Variants in SPAG9 observed in about 807,000 individuals in gnomAD.
The protein encoded by SPAG9 is C-Jun-amino-terminal kinase-interacting protein 4.
SPAG9 carries 35 observed loss-of-function variants against 166.5 expected under a neutral mutation model. The observed-to-expected ratio is 0.21, with a 90% CI of 0.16 to 0.28. The LOEUF (loss-of-function observed/expected upper bound fraction) is 0.28. Ranked by LOEUF, SPAG9 falls within the 10% of genes least tolerant of loss-of-function variation. The probability of loss-of-function intolerance (pLI) is 1.00; values close to 1 mark genes in which losing one functional copy is unlikely to be tolerated. For missense variants in SPAG9, 1,235 were observed against 1,603.3 expected, an observed-to-expected ratio of 0.77 and a Z score of 3.92; for synonymous variants, 534 against 565.5, an observed-to-expected ratio of 0.94 and a Z score of 0.79.
In SPAG9 at chr17:51,053,823, G is replaced by C. The variant is rs74842876; in HGVS notation, c.495+2589C>G. On this transcript the variant is annotated intron_variant, in intron 3 of 29. Transcript: ENST00000262013. Reference sequence around the variant, plus strand: ...ACTGCACTCCAGCCTGGGAAACAGAGTGAGACCCTAATTAAAAAAAAAAAA... The same window carrying C: ...ACTGCACTCCAGCCTGGGAAACAGACTGAGACCCTAATTAAAAAAAAAAAA... 9.1e-4 allele frequency among the ~76,000 whole-genome samples: 103 copies of C among 112,956 alleles called. No homozygotes were observed. The East Asian group carries it at 0.023, about 25-fold the overall frequency. 74.1% of individuals were successfully genotyped at this position (112,956 alleles called of 152,430 possible). A position where few individuals can be genotyped will look rare whatever the true frequency, so the allele number is the denominator to read the frequency against.
chr17:51,036,810 C>T (rs2046605123), intron 5 of SPAG9, among the ~76,000 whole-genome samples: 1 of 152,152 alleles, frequency 6.6e-6, no homozygotes, highest in Non-Finnish European at 1.5e-5. Flanking sequence ...CATGGAAAGC[C>T]TTACCTTCCT....
At chr17:51,000,407 C>T (rs184968318) in intron 13 of SPAG9, among the ~76,000 whole-genome samples, 54 of 152,214 alleles carry the variant, frequency 3.5e-4, no homozygotes, top group African/African-American at 1.2e-3. Flanking sequence ...TTGTTGACTA[C>T]CACTTGGCTG....
intron 1 of SPAG9, among the ~76,000 whole-genome samples, chr17:51,093,559 G>C (rs1334819916): frequency 1.3e-5 from 2 of 151,936 alleles, no homozygotes; most frequent in African/African-American, 4.8e-5. Context: ...GCCAGGCGTG[G>C]TGGCGGGTGC....
rs1024812547 is a variant in SPAG9, at chr17:50,990,333, T to G, written c.2617+117A>C. Reference sequence around the variant, plus strand: ...GTGAGCCACCACGCCCGGCCTACAGTATCTTCTTTCAAGTTCTTTCAACCT... The same window carrying G: ...GTGAGCCACCACGCCCGGCCTACAGGATCTTCTTTCAAGTTCTTTCAACCT... On this transcript the variant is annotated intron_variant, in intron 20 of 29. Transcript: ENST00000262013. The G allele has an allele frequency of 2.3e-5, 19 of 840,826 alleles. No homozygotes were observed. In the African/African-American group the frequency reaches 2.9e-4, roughly 13 times the overall value. The allele number at this position is 840,826 out of a possible 1,614,324, so 52.1% of individuals were successfully genotyped here.
At position 51,077,041 on chromosome 17, in the gene SPAG9, T is replaced by G. The variant is rs375908408; in HGVS notation, c.424+2543A>C. ...AGCTATCTAGCTATCTATCTAGCTATCTAGCTATCTAGCTAGCTATCTAGC... is the reference window on the plus strand; with the variant it reads ...AGCTATCTAGCTATCTATCTAGCTAGCTAGCTATCTAGCTAGCTATCTAGC... On this transcript the variant is annotated intron_variant, in intron 2 of 29. Transcript: ENST00000262013. Among the ~76,000 whole-genome samples, 413 of 98,236 alleles carry G rather than the reference T, an allele frequency of 4.2e-3. 6 individuals are homozygous for G. The highest frequency in any genetic ancestry group is 0.011 in the African/African-American group (274 of 24,352). The allele number at this position is 98,236 out of a possible 152,430, so 64.4% of individuals were successfully genotyped here.
chr17:50,999,411 C>T, intron 14 of SPAG9: 1 of 1,323,126 alleles, frequency 7.6e-7, no homozygotes, highest in Non-Finnish European at 1.0e-6. Flanking sequence ...AGGATTGCAA[C>T]AAATGCACAG....
chr17:51,082,395 A>C (rs1048918853), intron 1 of SPAG9, among the ~76,000 whole-genome samples: 1 of 151,310 alleles, frequency 6.6e-6, no homozygotes, highest in African/African-American at 2.4e-5. Context: ...AAAAAAAAAA[A>C]AAAAAAAAAC....
In SPAG9 at chr17:50,975,737, C is replaced by T. The variant is rs78099556; in HGVS notation, c.3524-790G>A. ...AAAAAAAAAAAAAAGACACCTGCTG[C>T]GATGCAGTGACTGCAAGTGGATAAC... On this transcript the variant is annotated intron_variant, in intron 27 of 29. Transcript: ENST00000262013. 4.3e-4 allele frequency: 283 copies of T among 656,668 alleles called. 1 individual carries two copies. Among genetic ancestry groups the T allele is most frequent in the African/African-American group, 3.8e-3 (210 of 54,778 alleles). The allele number at this position is 656,668 out of a possible 1,614,324, so 40.7% of individuals were successfully genotyped here. A position where few individuals can be genotyped will look rare whatever the true frequency, so the allele number is the denominator to read the frequency against.
intron 2 of SPAG9, 73 bp from the exon 3 acceptor site, chr17:51,056,555 G>T: frequency 1.1e-6 from 1 of 923,682 alleles, no homozygotes; most frequent in Middle Eastern, 2.7e-4. Context: ...GTTAGACTCA[G>T]AATGGGCTAT....
rs144830761 is a variant in SPAG9 at position 51,021,663 on chromosome 17, T to C, written c.784-298A>G. Among the ~76,000 whole-genome samples the C allele has an allele frequency of 5.1e-3, 771 of 152,282 alleles. 8 individuals carry two copies. Among genetic ancestry groups the C allele is most frequent in the African/African-American group, 0.017 (712 of 41,558 alleles). On this transcript the variant is annotated intron_variant, in intron 6 of 29. Transcript: ENST00000262013. The stretch of plus-strand genomic sequence containing the variant: ...ATGTCAATATCATTCTTAATGGCAA[T>C]TGCAATATTGTACAGTCACTTGGTA...
chr17:51,116,463 TTTTAAAAAATCA>T (rs1387413391), intron 1 of SPAG9, among the ~76,000 whole-genome samples: 1 of 152,204 alleles, frequency 6.6e-6, no homozygotes, highest in Non-Finnish European at 1.5e-5. Flanking sequence ...CAGATTTTTA[TTTTAAAAAATCA>T]CTGGGCTGGG....
rs1973268506 is a variant in SPAG9 at position 50,964,641 on chromosome 17, G to A, written c.*1631C>T. The stretch of plus-strand genomic sequence containing the variant: ...TTTGCCTAGAGTAATAGATAAAAAA[G>A]GGTAAATCACACATTTTCAAGAAGC... On this transcript the variant is annotated 3_prime_UTR_variant, in exon 30 of 30. Coordinates refer to ENST00000262013, the MANE Select transcript of SPAG9 (RefSeq NM_001130528.3). The A allele has an allele frequency of 5.3e-6, 2 of 376,780 alleles. No homozygotes were observed. The highest frequency in any genetic ancestry group is 1.1e-5 in the Non-Finnish European group (2 of 188,606). The allele number at this position is 376,780 out of a possible 1,614,324, so 23.3% of individuals were successfully genotyped here. A position where few individuals can be genotyped will look rare whatever the true frequency, so the allele number is the denominator to read the frequency against.
At chr17:51,024,494 G>A (rs1274194794) in intron 6 of SPAG9, among the ~76,000 whole-genome samples, 1 of 152,060 alleles carries the variant, frequency 6.6e-6, no homozygotes, top group Non-Finnish European at 1.5e-5. Context: ...GGGAGGACGA[G>A]GCAGGCAGAT....
chr17:51,036,060 C>A (rs573090856), intron 5 of SPAG9, among the ~76,000 whole-genome samples: 1 of 152,242 alleles, frequency 6.6e-6, no homozygotes, highest in African/African-American at 2.4e-5. Flanking sequence ...ATCCCTTCCC[C>A]TCTGCCCTTC....
At chr17:51,072,748 C>T (rs1429550221) in intron 2 of SPAG9, among the ~76,000 whole-genome samples, 1 of 152,094 alleles carries the variant, frequency 6.6e-6, no homozygotes, top group African/African-American at 2.4e-5. Flanking sequence ...TTCTATTATA[C>T]AAAACAAGAA....
intron 10 of SPAG9, 108 bp from the exon 11 acceptor site, chr17:51,006,345 T>C: frequency 9.5e-7 from 1 of 1,055,438 alleles, no homozygotes; most frequent in Non-Finnish European, 1.4e-6. Context: ...AATAATTTAA[T>C]ACTTCAAGAC....
rs553640649 is a variant in SPAG9 at position 50,991,323 on chromosome 17, T to C, written c.2399-655A>G. Among the ~76,000 whole-genome samples, 77 of 152,322 alleles carry C rather than the reference T, an allele frequency of 5.1e-4. No homozygotes were observed. The East Asian group carries it at 0.013, about 27-fold the overall frequency. Reference sequence around the variant, plus strand: ...AAGACTACTGCTACTACTTGAAGTATAAGCTTCTATCCATTACTGTTAAAA... The same window carrying C: ...AAGACTACTGCTACTACTTGAAGTACAAGCTTCTATCCATTACTGTTAAAA... On this transcript the variant is annotated intron_variant, in intron 19 of 29. Transcript: ENST00000262013.
intron 2 of SPAG9, among the ~76,000 whole-genome samples, chr17:51,064,634 G>C (rs1360257787): frequency 6.6e-6 from 1 of 152,132 alleles, no homozygotes; most frequent in Non-Finnish European, 1.5e-5. Context: ...GAAATGTCCA[G>C]AACAGGCAAA....
intron 2 of SPAG9, among the ~76,000 whole-genome samples, chr17:51,069,525 T>C (rs2144587468): frequency 6.6e-6 from 1 of 152,230 alleles, no homozygotes; most frequent in Admixed American, 6.5e-5. Context: ...GCTGTGAAAA[T>C]TCTTAATTTA....
Sources: gnomAD v4.1 joint callset for allele counts (sites outside exome capture counted in the v4.1 genomes callset) on GRCh38, gnomAD v4.1.1 for gene constraint, MANE v1.5 for transcripts, NCBI Gene and HGNC (gene_info 2026-07-23, HGNC 2026-07-21) for gene names.